The following PRTG variants were observed in gnomAD, a reference collection of about 807,000 sequenced individuals.
PRTG encodes protogenin.
A neutral mutation model predicts 122.5 loss-of-function variants in PRTG; 67 were observed. The ratio of observed to expected loss-of-function variants is 0.55; its 90% CI spans 0.45 to 0.67. PRTG has a LOEUF of 0.67. Ranked by LOEUF, PRTG falls within the 30% of genes least tolerant of loss-of-function variation. PRTG has a pLI of 0.00. For missense variants in PRTG, 1,435 were observed against 1,415.4 expected (o/e 1.01, Z -0.22); for synonymous variants, 554 against 501.1 (o/e 1.11, Z -1.41).
At chr15:55,698,036 G>C (rs1567104910) in intron 2 of PRTG, among the ~76,000 whole-genome samples, 2 of 152,000 alleles carry the variant, frequency 1.3e-5, no homozygotes, top group East Asian at 3.8e-4. Flanking sequence ...TGGTTCTGAG[G>C]AATCAGTAAC....
intron 12 of PRTG, among the ~76,000 whole-genome samples, chr15:55,640,592 G>A (rs1280804431): frequency 6.6e-6 from 1 of 152,114 alleles, no homozygotes; most frequent in Non-Finnish European, 1.5e-5. Context: ...TAAAAAATTT[G>A]GTATGTAGAT....
At chr15:55,741,284 G>A (rs1208514419) in intron 1 of PRTG, among the ~76,000 whole-genome samples, 1 of 152,168 alleles carries the variant, frequency 6.6e-6, no homozygotes, top group African/African-American at 2.4e-5. Flanking sequence ...AGCAAGCTAG[G>A]TATTTAAAAG....
At chr15:55,626,581 T>C (rs1363962385) in intron 17 of PRTG, among the ~76,000 whole-genome samples, 9 of 142,170 alleles carry the variant, frequency 6.3e-5, no homozygotes, top group Non-Finnish European at 1.4e-4. Flanking sequence ...AAACCCCATC[T>C]CTACTAAAAA....
chr15:55,674,663 G>A (rs1312490301), intron 9 of PRTG, among the ~76,000 whole-genome samples: 2 of 152,110 alleles, frequency 1.3e-5, no homozygotes, highest in African/African-American at 4.8e-5. Flanking sequence ...TAAGTGGCAT[G>A]ATAAAGATAT....
Position 55,680,116 on chromosome 15 carries a change from C to A in PRTG, c.911G>T (p.Cys304Phe), listed in dbSNP as rs1159239536. ...GCGTGTGCCAGGGGTAGTGGCCCGA[C>A]AAACATATACTCCAGCATGTTGTAG... is the stretch of plus-strand genomic sequence containing the variant. ...VRLQHAGVYV[C>F]RATTPGTRNF... is the part of the protein sequence containing the mutation. Residue 304 changes from cysteine to phenylalanine, a missense_variant, in exon 6 of 20, where the codon TGT (cysteine) becomes TTT (phenylalanine). Cys to Phe is a radical substitution (Grantham distance 205). Transcript: ENST00000389286. The A allele has an allele frequency of 6.2e-7, 1 of 1,613,622 alleles. No individual in the cohort carries two copies. Among genetic ancestry groups the A allele is most frequent in the South Asian group, 1.1e-5 (1 of 91,052 alleles).
At chr15:55,652,424 G>T (rs531051236) in intron 11 of PRTG, among the ~76,000 whole-genome samples, 1 of 152,326 alleles carries the variant, frequency 6.6e-6, no homozygotes, top group South Asian at 2.1e-4. Context: ...GTGCTACAAG[G>T]TTTTGTGTGA....
At chr15:55,742,268 C>T (rs1163341796) in intron 1 of PRTG, 1 of 152,426 alleles carries the variant, frequency 6.6e-6, no homozygotes, top group African/African-American at 2.4e-5. Context: ...CTCCTCCTGG[C>T]TGGATCCAGA....
chr15:55,659,136 T>C (rs1466095544), intron 11 of PRTG, among the ~76,000 whole-genome samples: 1 of 152,194 alleles, frequency 6.6e-6, no homozygotes, highest in Non-Finnish European at 1.5e-5. Flanking sequence ...TCAAGGGGCC[T>C]CCTCTTACAG....
At chr15:55,634,929 A>G (rs1207160749) in intron 15 of PRTG, among the ~76,000 whole-genome samples, 2 of 152,138 alleles carry the variant, frequency 1.3e-5, no homozygotes, top group African/African-American at 4.8e-5. Flanking sequence ...AGCCCTCCCA[A>G]CACTGGTTTC....
intron 11 of PRTG, chr15:55,655,755 A>C (rs1487447107): frequency 6.6e-6 from 1 of 152,242 alleles, no homozygotes; most frequent in African/African-American, 2.4e-5. Flanking sequence ...TGACTGATAC[A>C]ACTTTTAAAT....
chr15:55,625,103 T>C (rs942760977), intron 17 of PRTG, among the ~76,000 whole-genome samples: 1 of 152,144 alleles, frequency 6.6e-6, no homozygotes, highest in African/African-American at 2.4e-5. Context: ...TGACGGGGAT[T>C]ACCTAAAACA....
intron 10 of PRTG, 113 bp downstream of exon 10, chr15:55,673,258 G>T: frequency 1.3e-6 from 1 of 798,424 alleles, no homozygotes; most frequent in Non-Finnish European, 1.9e-6. Flanking sequence ...CATCATCTAT[G>T]GAATATTTTT....
chr15:55,679,882 T>C (rs777139507), intron 6 of PRTG, 172 bp downstream of exon 6: 22 of 595,234 alleles, frequency 3.7e-5, no homozygotes, highest in Non-Finnish European at 6.4e-5. Flanking sequence ...CTCAGAATGA[T>C]TCTACAGTTA....
intron 2 of PRTG, among the ~76,000 whole-genome samples, chr15:55,735,351 A>G (rs1368870367): frequency 1.3e-5 from 2 of 152,160 alleles, no homozygotes; most frequent in Admixed American, 1.3e-4. Context: ...ACTGCAGTCA[A>G]GAATATCGTG....
At chr15:55,699,904 G>C (rs192397432) in intron 2 of PRTG, among the ~76,000 whole-genome samples, 229 of 152,254 alleles carry the variant, frequency 1.5e-3, no homozygotes, top group African/African-American at 5.3e-3. Context: ...ATTTTGCCCA[G>C]GCCAGCCCTG....
In PRTG at chr15:55,743,038, C is replaced by A; in HGVS notation, c.-107G>T. The A allele has an allele frequency of 1.5e-6, 2 of 1,314,400 alleles. No individual in the cohort carries two copies. The highest frequency in any genetic ancestry group is 4.4e-5 in the South Asian group (2 of 45,638). 81.4% of individuals were successfully genotyped at this position (1,314,400 alleles called of 1,614,324 possible). ...CTGCGGCTGGTCGCACGCAGCCTGG[C>A]TCCCCGCTCCGGCTCCGGCACCGGC... On this transcript the variant is annotated 5_prime_UTR_variant, in exon 1 of 20. Coordinates refer to ENST00000389286, the MANE Select transcript of PRTG (RefSeq NM_173814.6).
chr15:55,713,326 T>C lies in PRTG; in HGVS notation c.397+27056A>G, dbSNP rs28360932. On this transcript the variant is annotated intron_variant, in intron 2 of 19. Coordinates refer to ENST00000389286, the MANE Select transcript of PRTG (RefSeq NM_173814.6). ...AGTTAATCATTTTAATTAATTTAAC[T>C]ATATGTAGCACCCCACGATTTATTA... Among the ~76,000 whole-genome samples the C allele has an allele frequency of 2.7e-3, 414 of 152,350 alleles. 3 individuals are homozygous for C. Among genetic ancestry groups the C allele is most frequent in the African/African-American group, 9.8e-3 (408 of 41,592 alleles).
At chr15:55,696,612 A>G (rs999839622) in intron 2 of PRTG, among the ~76,000 whole-genome samples, 1 of 152,258 alleles carries the variant, frequency 6.6e-6, no homozygotes, top group African/African-American at 2.4e-5. Flanking sequence ...AGACTAGGCA[A>G]GAAGCTATTT....
At position 55,616,995 on chromosome 15, in the gene PRTG, A is replaced by G. The variant is rs1023689533; in HGVS notation, c.*3017T>C. 1 of 152,140 alleles carries G rather than the reference A, an allele frequency of 6.6e-6. No individual in the cohort carries two copies. Among genetic ancestry groups the G allele is most frequent in the Non-Finnish European group, 1.5e-5 (1 of 67,988 alleles). The allele number at this position is 152,140 out of a possible 1,614,324, so 9.4% of individuals were successfully genotyped here. ...AAATGACATGCAGGTATCAGTACTT[A>G]CAGCAAATACATCTTTGGAAAAGAA... On this transcript the variant is annotated 3_prime_UTR_variant, in exon 20 of 20. Coordinates refer to ENST00000389286, the MANE Select transcript of PRTG (RefSeq NM_173814.6).
Sources: allele counts gnomAD v4.1 joint callset (sites outside exome capture counted in the v4.1 genomes callset), GRCh38; gene constraint gnomAD v4.1.1; transcripts MANE v1.5; gene names NCBI Gene and HGNC (gene_info 2026-07-23, HGNC 2026-07-21).